MIER1: variants seen among roughly 807,000 people sequenced by gnomAD.
The protein encoded by MIER1 is mesoderm induction early response protein 1.
A neutral mutation model predicts 75.7 loss-of-function variants in MIER1; 40 were observed. The ratio of observed to expected loss-of-function variants is 0.53; its 90% CI spans 0.41 to 0.69. The LOEUF is 0.69. Ranked by LOEUF, MIER1 falls within the 30% of genes least tolerant of loss-of-function variation. The pLI is 0.00. For missense variants in MIER1, 574 were observed against 680.2 expected (o/e 0.84, Z 1.74); for synonymous variants, 213 against 223.4 (o/e 0.95, Z 0.42).
chr1:66,981,951 A>G (rs766588736), intron 13 of MIER1, 33 bp downstream of exon 13: 66 of 1,609,110 alleles, frequency 4.1e-5, no homozygotes, highest in Non-Finnish European at 1.7e-6. Context: ...CTCTTTCTTC[A>G]TAATAAGGGA....
intron 8 of MIER1, among the ~76,000 whole-genome samples, chr1:66,968,066 AAAG>A (rs1662789785): frequency 6.6e-6 from 1 of 152,124 alleles, no homozygotes; most frequent in Non-Finnish European, 1.5e-5. Flanking sequence ...ATGATTTTAG[AAAG>A]TAATTATGCA....
intron 3 of MIER1, among the ~76,000 whole-genome samples, chr1:66,944,431 C>T (rs1346183191): frequency 2.0e-5 from 3 of 149,954 alleles, no homozygotes; most frequent in African/African-American, 7.3e-5. Context: ...TAAAATATCC[C>T]CAAGTTTTAC....
chr1:66,933,355 A>G (rs114973658), intron 2 of MIER1, among the ~76,000 whole-genome samples: 2,459 of 152,298 alleles, frequency 0.016, 70 homozygotes, highest in African/African-American at 0.057. Context: ...TCTCAAGGAA[A>G]AAAATCCATG....
intron 8 of MIER1, among the ~76,000 whole-genome samples, chr1:66,964,314 C>T (rs1020126407): frequency 6.6e-6 from 1 of 151,946 alleles, no homozygotes; most frequent in Non-Finnish European, 1.5e-5. Context: ...ACCTCGTGAT[C>T]CGCCTGCCTC....
At chr1:66,942,922 A>G (rs1200461003) in intron 3 of MIER1, among the ~76,000 whole-genome samples, 1 of 152,228 alleles carries the variant, frequency 6.6e-6, no homozygotes, top group Non-Finnish European at 1.5e-5. Context: ...CTTTGATGCT[A>G]TATACCTATG....
At chr1:66,965,279 T>C (rs1271453742) in intron 8 of MIER1, among the ~76,000 whole-genome samples, 1 of 152,188 alleles carries the variant, frequency 6.6e-6, no homozygotes, top group Non-Finnish European at 1.5e-5. Flanking sequence ...ATGTTCACCA[T>C]TGAGGTTTTT....
chr1:66,959,798 G>T, intron 7 of MIER1, 55 bp downstream of exon 7: 2 of 839,092 alleles, frequency 2.4e-6, no homozygotes, highest in Non-Finnish European at 1.7e-6. Flanking sequence ...TTTTTAAAAA[G>T]CCTCGTGTAA....
chr1:66,928,451 A>G (rs927166602), intron 2 of MIER1, among the ~76,000 whole-genome samples: 8 of 152,162 alleles, frequency 5.3e-5, no homozygotes, highest in Non-Finnish European at 1.2e-4. Flanking sequence ...TTGGTAGCCA[A>G]ATTTCATAAA....
At position 66,984,773 on chromosome 1, in the gene MIER1, A is replaced by G. The variant is rs755691055; in HGVS notation, c.1571A>G (p.Lys524Arg). 53 of 1,614,048 alleles carry G rather than the reference A, an allele frequency of 3.3e-5. No homozygotes were observed. In the East Asian group the frequency reaches 1.2e-3, roughly 35 times the overall value. Residue 524 changes from lysine (K) to arginine (R), a missense_variant, in exon 14 of 14, where the codon AAA (lysine) becomes AGA (arginine). Physicochemically the swap from Lys to Arg is conservative, Grantham distance 26. Coordinates refer to ENST00000401041, the MANE Select transcript of MIER1 (RefSeq NM_001077700.3). Reference protein sequence around the residue: ...TARNENDFDEKSERPAKRRRV... With the variant: ...TARNENDFDERSERPAKRRRV... ...AGAAATGAAAATGATTTTGATGAAA[A>G]AAGTGAGAGACCTGCCAAAAGGCGA...
At chr1:66,935,141 G>A (rs1344488396) in intron 2 of MIER1, among the ~76,000 whole-genome samples, 7 of 152,078 alleles carry the variant, frequency 4.6e-5, no homozygotes, top group Non-Finnish European at 1.0e-4. Context: ...TGAAAATAAT[G>A]GTAATGTTGT....
At chr1:66,981,189 C>T (rs1361352399) in intron 12 of MIER1, among the ~76,000 whole-genome samples, 1 of 152,092 alleles carries the variant, frequency 6.6e-6, no homozygotes, top group Non-Finnish European at 1.5e-5. Flanking sequence ...ACCACAGTTA[C>T]GTAGTTCAGG....
intron 2 of MIER1, chr1:66,930,276 G>T: frequency 2.0e-6 from 3 of 1,528,804 alleles, no homozygotes. Context: ...AGGCAGTGGC[G>T]GCGGGAGCGG....
At chr1:66,945,294 TATATATATATATATATATATATAA>T (rs1465714156) in intron 3 of MIER1, among the ~76,000 whole-genome samples, 108 of 8,580 alleles carry the variant, frequency 0.013, 1 homozygote, top group African/African-American at 0.047. Flanking sequence ...TATATATATA[TATATATATATATATATATATATAA>T]AATACCTAAT....
chr1:66,951,911 A>C (rs1180378002), intron 4 of MIER1, among the ~76,000 whole-genome samples: 1 of 152,232 alleles, frequency 6.6e-6, no homozygotes, highest in Non-Finnish European at 1.5e-5. Context: ...AGTGTAAAGC[A>C]GTGAGTTAGA....
At chr1:66,948,173 C>T (rs1055899764) in intron 4 of MIER1, 1 of 897,956 alleles carries the variant, frequency 1.1e-6, no homozygotes, top group Non-Finnish European at 1.3e-6. Context: ...CAAGAGTGCT[C>T]ACTCAAAAGT....
intron 2 of MIER1, among the ~76,000 whole-genome samples, chr1:66,929,693 A>T (rs1446901125): frequency 6.6e-6 from 1 of 152,172 alleles, no homozygotes; most frequent in Non-Finnish European, 1.5e-5. Flanking sequence ...GTGTGAGAAA[A>T]CGCAAATGAC....
intron 3 of MIER1, among the ~76,000 whole-genome samples, chr1:66,944,495 C>T (rs1657014608): frequency 6.6e-6 from 1 of 151,216 alleles, no homozygotes; most frequent in Non-Finnish European, 1.5e-5. Flanking sequence ...ACTATGTATG[C>T]CCAGCCTTTG....
intron 11 of MIER1, among the ~76,000 whole-genome samples, chr1:66,973,410 G>C (rs115635286): frequency 0.045 from 6,844 of 152,030 alleles, 258 homozygotes; most frequent in East Asian, 0.075. Context: ...GTCCTGAGTG[G>C]TCTAAAATCA....
intron 13 of MIER1, among the ~76,000 whole-genome samples, chr1:66,982,847 T>TA (rs1270430174): frequency 3.3e-5 from 5 of 152,198 alleles, no homozygotes; most frequent in Non-Finnish European, 1.5e-5. Context: ...GCCCAGTAAC[T>TA]ATGTCCTGGT....
Sources: allele counts gnomAD v4.1 joint callset (sites outside exome capture counted in the v4.1 genomes callset), GRCh38; gene constraint gnomAD v4.1.1; transcripts MANE v1.5; gene names NCBI Gene and HGNC (gene_info 2026-07-23, HGNC 2026-07-21).